The following SLC38A1 variants were observed in gnomAD, a reference collection of about 807,000 sequenced individuals.
SLC38A1 encodes solute carrier family 38 member 1, also known as sodium-coupled neutral amino acid symporter 1.
SLC38A1 carries 18 observed loss-of-function variants against 60.3 expected under a neutral mutation model. The ratio of observed to expected loss-of-function variants is 0.30; its 90% CI spans 0.21 to 0.44. The LOEUF (loss-of-function observed/expected upper bound fraction) is 0.44. Ranked by LOEUF, SLC38A1 falls within the 20% of genes least tolerant of loss-of-function variation. The probability of loss-of-function intolerance (pLI) is 1.00; values close to 1 mark genes in which losing one functional copy is unlikely to be tolerated. For missense variants in SLC38A1, 448 were observed against 587.2 expected (o/e 0.76, Z 2.45); for synonymous variants, 196 against 212.1 (o/e 0.92, Z 0.66).
intron 1 of SLC38A1, among the ~76,000 whole-genome samples, chr12:46,249,294 A>C (rs900410508): frequency 9.9e-5 from 15 of 152,244 alleles, no homozygotes; most frequent in South Asian, 2.1e-4. Context: ...CAATGAGAAC[A>C]AAGACACATC....
chr12:46,229,803 C>A (rs1416181832), intron 3 of SLC38A1, among the ~76,000 whole-genome samples, 164 bp from the exon 4 acceptor site: 1 of 152,152 alleles, frequency 6.6e-6, no homozygotes, highest in Admixed American at 6.5e-5. Flanking sequence ...ACCTTTTTTT[C>A]TTTTGCCATT....
rs1940999401 is a variant in SLC38A1, at chr12:46,229,743, C to T, written c.123-104G>A. ...CATCAAAACATACATGAACAGTTAC[C>T]AATCAGCTCTCTAAGAGTTTACAGC... On this transcript the variant is annotated intron_variant, in intron 3 of 16. Transcript: ENST00000398637. 6 of 1,001,268 alleles carry T rather than the reference C, an allele frequency of 6.0e-6. No homozygotes were observed. In the East Asian group the frequency reaches 1.4e-4, roughly 24 times the overall value. 62.0% of individuals were successfully genotyped at this position (1,001,268 alleles called of 1,614,324 possible).
At chr12:46,203,635 G>A (rs768032445) in intron 11 of SLC38A1, among the ~76,000 whole-genome samples, 16 of 152,164 alleles carry the variant, frequency 1.1e-4, no homozygotes, top group South Asian at 2.1e-4. Flanking sequence ...GAAAGATCGC[G>A]ATCTATTTAG....
rs1047688435 is a variant in SLC38A1 at position 46,229,218 on chromosome 12, G to A, written c.249C>T (p.Ala83=). Residue 83 remains alanine (A), a synonymous_variant, in exon 5 of 17, where the codon GCC becomes GCT. Transcript: ENST00000398637. ...LGMSVFNLSN[A]IMGSGILGLA... is the part of the protein sequence containing the mutation. The stretch of plus-strand genomic sequence containing the variant: ...GTCCCAAAATCCCACTGCCCATAAT[G>A]GCGTTGCTTAGGTTAAAAACAGACA... 1.2e-6 allele frequency: 2 copies of A among 1,613,744 alleles called. No individual in the cohort carries two copies. The highest frequency in any genetic ancestry group is 1.7e-5 in the Admixed American group (1 of 59,986).
At chr12:46,210,133 C>T (rs555097716) in intron 5 of SLC38A1, among the ~76,000 whole-genome samples, 2 of 152,176 alleles carry the variant, frequency 1.3e-5, no homozygotes, top group East Asian at 3.9e-4. Context: ...CCTGGCCCTT[C>T]CCCCTCCCAG....
At chr12:46,205,586 A>T (rs1207467398) in intron 9 of SLC38A1, among the ~76,000 whole-genome samples, 2 of 152,156 alleles carry the variant, frequency 1.3e-5, no homozygotes, top group Admixed American at 1.3e-4. Flanking sequence ...TGACTTGGAG[A>T]TTATCCGCCA....
chr12:46,236,083 CCAGA>C (rs1353761913), intron 3 of SLC38A1, among the ~76,000 whole-genome samples: 18 of 152,258 alleles, frequency 1.2e-4, no homozygotes, highest in African/African-American at 4.3e-4. Flanking sequence ...CTTACTATTG[CCAGA>C]CACTGTGCCA....
At chr12:46,210,233 G>A (rs576799401) in intron 5 of SLC38A1, among the ~76,000 whole-genome samples, 1 of 152,288 alleles carries the variant, frequency 6.6e-6, no homozygotes, top group East Asian at 1.9e-4. Flanking sequence ...CTGCTCCTCA[G>A]CTGTCTATGA....
At chr12:46,200,311 G>A (rs1478738260) in intron 13 of SLC38A1, among the ~76,000 whole-genome samples, 1 of 151,650 alleles carries the variant, frequency 6.6e-6, no homozygotes, top group Non-Finnish European at 1.5e-5. Flanking sequence ...AGACATTTGT[G>A]TTTATGAAAA....
At chr12:46,217,566 T>C (rs1401535833) in intron 5 of SLC38A1, among the ~76,000 whole-genome samples, 6 of 152,220 alleles carry the variant, frequency 3.9e-5, no homozygotes, top group African/African-American at 1.4e-4. Context: ...TAACCCCTTT[T>C]TAGGGGAGAG....
intron 16 of SLC38A1, among the ~76,000 whole-genome samples, chr12:46,191,363 A>G (rs750886406): frequency 2.0e-5 from 3 of 152,196 alleles, no homozygotes; most frequent in Non-Finnish European, 4.4e-5. Context: ...GAAGTCAGGT[A>G]GCATGATGCC....
chr12:46,196,345 T>G, intron 16 of SLC38A1: 1 of 1,522,322 alleles, frequency 6.6e-7, no homozygotes, highest in Admixed American at 2.0e-5. Context: ...GGGTCCAGTC[T>G]AACTCCCAGT....
intron 5 of SLC38A1, among the ~76,000 whole-genome samples, chr12:46,212,684 A>G (rs2137376447): frequency 6.6e-6 from 1 of 152,334 alleles, no homozygotes; most frequent in South Asian, 2.1e-4. Flanking sequence ...TTAGAATTCT[A>G]GACTCCTGAA....
intron 5 of SLC38A1, among the ~76,000 whole-genome samples, chr12:46,210,141 C>T (rs1053202093): frequency 1.3e-5 from 2 of 152,202 alleles, no homozygotes; most frequent in African/African-American, 2.4e-5. Flanking sequence ...TTCCCCCTCC[C>T]AGCACACCTG....
intron 12 of SLC38A1, among the ~76,000 whole-genome samples, chr12:46,201,905 G>GCC (rs1939676147): frequency 6.7e-6 from 1 of 150,154 alleles, no homozygotes; most frequent in Admixed American, 6.7e-5. Context: ...GAAAAACGGA[G>GCC]AAGTAGGCCC....
chr12:46,262,644 G>T (rs1045517609), intron 1 of SLC38A1, among the ~76,000 whole-genome samples: 6 of 152,144 alleles, frequency 3.9e-5, no homozygotes, highest in Non-Finnish European at 8.8e-5. Flanking sequence ...ATACAGTTTT[G>T]TGTGTTTGTT....
In SLC38A1 at chr12:46,259,518, A is replaced by G. The variant is rs565448007; in HGVS notation, c.-209+9008T>C. Among the ~76,000 whole-genome samples the G allele has an allele frequency of 6.6e-5, 10 of 152,330 alleles. No homozygotes were observed. The South Asian group carries it at 2.1e-3, about 32-fold the overall frequency. On this transcript the variant is annotated intron_variant, in intron 1 of 16. Coordinates refer to ENST00000398637, the MANE Select transcript of SLC38A1 (RefSeq NM_030674.4). Reference sequence around the variant, plus strand: ...CAACACTCAAAACTCATTAAATAGTATACTTAATATCTGGACACTGCATTG... The same window carrying G: ...CAACACTCAAAACTCATTAAATAGTGTACTTAATATCTGGACACTGCATTG...
intron 16 of SLC38A1, chr12:46,195,941 A>G (rs1339095605): frequency 8.8e-6 from 4 of 453,878 alleles, no homozygotes; most frequent in African/African-American, 8.1e-5. Flanking sequence ...GCTTCAGCTC[A>G]CCTTCCATGG....
intron 1 of SLC38A1, among the ~76,000 whole-genome samples, chr12:46,249,135 GAT>G (rs1297931267): frequency 3.3e-5 from 4 of 119,734 alleles, no homozygotes; most frequent in Non-Finnish European, 1.6e-5. Context: ...CAGACAGGGT[GAT>G]AGAGTGAGAC....
Sources: gnomAD v4.1 joint callset for allele counts (sites outside exome capture counted in the v4.1 genomes callset) on GRCh38, gnomAD v4.1.1 for gene constraint, MANE v1.5 for transcripts, NCBI Gene and HGNC (gene_info 2026-07-23, HGNC 2026-07-21) for gene names.